RBFOX1: variants seen among roughly 807,000 people sequenced by gnomAD.
RBFOX1 encodes RNA binding fox-1 homolog 1.
In RBFOX1, 8 loss-of-function variants were observed where a neutral mutation model predicts 57.7. That is an observed-to-expected ratio of 0.14 (90% CI 0.08 to 0.25). RBFOX1 has a LOEUF of 0.25. RBFOX1 is among the 10% of genes least tolerant of loss of function. RBFOX1 has a pLI of 1.00. For synonymous variants in RBFOX1, 326 were observed against 222.4 expected (o/e 1.47, Z -4.15); for missense variants, 611 against 548.5 (o/e 1.11, Z -1.14).
intron 1 of RBFOX1, among the ~76,000 whole-genome samples, chr16:5,389,741 A>T (rs1428725480): frequency 6.6e-6 from 1 of 151,884 alleles, no homozygotes; most frequent in African/African-American, 2.4e-5. Flanking sequence ...ACTGTTGCCC[A>T]GGCTGGAGTG....
intron 4 of RBFOX1, among the ~76,000 whole-genome samples, chr16:7,162,866 G>A (rs574820876): frequency 3.9e-5 from 6 of 152,322 alleles, no homozygotes; most frequent in African/African-American, 1.4e-4. Context: ...TGGAGAAGCA[G>A]TGTGGGGTAT....
intron 1 of RBFOX1, among the ~76,000 whole-genome samples, chr16:6,184,190 G>A (rs2097089811): frequency 6.6e-6 from 1 of 152,148 alleles, no homozygotes. Context: ...CTCCCATCCG[G>A]CTTCTCCCAT....
intron 3 of RBFOX1, among the ~76,000 whole-genome samples, chr16:6,898,389 T>C (rs1331646830): frequency 2.6e-5 from 4 of 152,128 alleles, no homozygotes; most frequent in African/African-American, 9.7e-5. Flanking sequence ...GGGTATTGAG[T>C]GCACCCCAGC....
intron 1 of RBFOX1, among the ~76,000 whole-genome samples, chr16:5,421,007 C>CCTTCTT (rs2067309355): frequency 7.1e-6 from 1 of 141,486 alleles, no homozygotes; most frequent in African/African-American, 2.8e-5. Context: ...TCCTCCTCCT[C>CCTTCTT]CTTCCTTCTT....
At chr16:7,195,465 A>G (rs1016067981) in intron 4 of RBFOX1, among the ~76,000 whole-genome samples, 1 of 152,216 alleles carries the variant, frequency 6.6e-6, no homozygotes, top group Non-Finnish European at 1.5e-5. Flanking sequence ...TGGCAAGGCA[A>G]AACAGAACAA....
intron 2 of RBFOX1, chr16:6,483,470 G>A (rs1178211488): frequency 1.3e-6 from 2 of 1,535,738 alleles, no homozygotes; most frequent in Non-Finnish European, 1.7e-6. Context: ...TTTTCCCGGT[G>A]AGGAAACAGG....
chr16:6,527,731 C>A (rs945615200), intron 2 of RBFOX1, among the ~76,000 whole-genome samples: 1 of 152,032 alleles, frequency 6.6e-6, no homozygotes, highest in Admixed American at 6.5e-5. Context: ...AATCGTTGAC[C>A]CTAAACCCAG....
intron 4 of RBFOX1, among the ~76,000 whole-genome samples, chr16:5,997,045 T>C (rs9933838): frequency 0.11 from 841 of 7,962 alleles, 71 homozygotes; most frequent in African/African-American, 0.3. Context: ...TTGTCCAAAC[T>C]CACCAGGAAG....
chr16:5,888,028 ATTCCTGCAAGACAGCC>A (rs534043923), intron 4 of RBFOX1, among the ~76,000 whole-genome samples: 1 of 152,198 alleles, frequency 6.6e-6, no homozygotes, highest in African/African-American at 2.4e-5. Context: ...ATAAGACTGC[ATTCCTGCAAGACAGCC>A]TTCCTGCAAG....
chr16:6,656,826 C>G (rs1056710930), intron 3 of RBFOX1, among the ~76,000 whole-genome samples: 5 of 151,948 alleles, frequency 3.3e-5, no homozygotes, highest in African/African-American at 1.2e-4. Flanking sequence ...TTCTCAGTGT[C>G]TTACTCTCTA....
chr16:6,243,186 A>G (rs764763870), intron 1 of RBFOX1, among the ~76,000 whole-genome samples: 1 of 151,548 alleles, frequency 6.6e-6, no homozygotes, highest in Non-Finnish European at 1.5e-5. Context: ...AGTTTCCTCT[A>G]GGAGAAAGCT....
intron 3 of RBFOX1, among the ~76,000 whole-genome samples, chr16:6,966,484 A>G (rs2084191768): frequency 6.6e-6 from 1 of 152,152 alleles, no homozygotes; most frequent in African/African-American, 2.4e-5. Context: ...GAGCATGATC[A>G]CAGTAGCTTA....
At chr16:7,153,059 C>G (rs1447675921) in intron 4 of RBFOX1, among the ~76,000 whole-genome samples, 2 of 152,078 alleles carry the variant, frequency 1.3e-5, no homozygotes, top group Admixed American at 6.6e-5. Flanking sequence ...TTATGTAGAA[C>G]CATGGCATGG....
At chr16:5,917,135 C>T (rs1480638409) in intron 4 of RBFOX1, among the ~76,000 whole-genome samples, 2 of 152,136 alleles carry the variant, frequency 1.3e-5, no homozygotes, top group Non-Finnish European at 2.9e-5. Context: ...TCCTGTTCCT[C>T]TGCTTTAGAC....
intron 4 of RBFOX1, among the ~76,000 whole-genome samples, chr16:7,513,167 G>A (rs2075569464): frequency 6.6e-6 from 1 of 152,120 alleles, no homozygotes; most frequent in African/African-American, 2.4e-5. Flanking sequence ...GGAGGCTGAG[G>A]CAGGAGAATC....
At chr16:6,196,101 C>G (rs2097178250) in intron 1 of RBFOX1, among the ~76,000 whole-genome samples, 1 of 152,198 alleles carries the variant, frequency 6.6e-6, no homozygotes, top group African/African-American at 2.4e-5. Flanking sequence ...GGGTCAAGTG[C>G]TTTGCATTCA....
intron 5 of RBFOX1, among the ~76,000 whole-genome samples, chr16:7,576,662 A>G (rs1431901993): frequency 1.3e-5 from 2 of 152,224 alleles, no homozygotes; most frequent in Admixed American, 1.3e-4. Context: ...TTGACTAGAG[A>G]TGATTAATTT....
intron 2 of RBFOX1, among the ~76,000 whole-genome samples, chr16:6,635,522 C>T (rs912925843): frequency 3.3e-5 from 5 of 151,924 alleles, no homozygotes; most frequent in African/African-American, 9.7e-5. Context: ...AGTGATTCAG[C>T]AGGAGGAGAC....
intron 1 of RBFOX1, among the ~76,000 whole-genome samples, chr16:5,399,700 C>T (rs576174981): frequency 1.5e-4 from 23 of 151,730 alleles, no homozygotes; most frequent in African/African-American, 5.6e-4. Context: ...TGCATCACTG[C>T]TCTCCAGCCT....
Sources: gnomAD v4.1 joint callset for allele counts (sites outside exome capture counted in the v4.1 genomes callset) on GRCh38, gnomAD v4.1.1 for gene constraint, MANE v1.5 for transcripts, NCBI Gene and HGNC (gene_info 2026-07-23, HGNC 2026-07-21) for gene names.